POM121: variants seen among roughly 807,000 people sequenced by gnomAD.
POM121 encodes the protein POM121 transmembrane nucleoporin, also known as nuclear envelope pore membrane protein POM 121.
Under a neutral mutation model 81.3 loss-of-function variants are expected in POM121, and 32 were observed. That is an observed-to-expected ratio of 0.39 (90% CI 0.30 to 0.53). The LOEUF (loss-of-function observed/expected upper bound fraction) is 0.53, where lower values mean the gene tolerates loss of function less well. Ranked by LOEUF, POM121 falls within the 20% of genes least tolerant of loss-of-function variation. POM121 has a pLI of 0.66. For missense variants in POM121, 1,138 were observed against 1,614.6 expected, an observed-to-expected ratio of 0.70 and a Z score of 5.06; for synonymous variants, 514 against 694.2, an observed-to-expected ratio of 0.74 and a Z score of 4.08.
chr7:72,880,234 C>G (rs1229945719), intron 1 of POM121, among the ~76,000 whole-genome samples: 1 of 152,200 alleles, frequency 6.6e-6, no homozygotes, highest in Non-Finnish European at 1.5e-5. Context: ...CTGCTGATCA[C>G]CCCCTTATAT....
chr7:72,888,653 A>G (rs1257683147), intron 1 of POM121, among the ~76,000 whole-genome samples: 6 of 149,814 alleles, frequency 4.0e-5, no homozygotes, highest in African/African-American at 1.5e-4. Context: ...TGACTTTCGG[A>G]CCGAGAAGAC....
At position 72,946,657 on chromosome 7, in the gene POM121, C is replaced by T. The variant is rs236654; in HGVS notation, c.*423C>T. The T allele has an allele frequency of 2.3e-5, 23 of 990,902 alleles. No individual in the cohort carries two copies. Among genetic ancestry groups the T allele is most frequent in the Admixed American group, 1.8e-4 (3 of 16,826 alleles). 61.4% of individuals were successfully genotyped at this position (990,902 alleles called of 1,614,324 possible). On this transcript the variant is annotated 3_prime_UTR_variant, in exon 13 of 13. Coordinates refer to ENST00000434423, the MANE Select transcript of POM121 (RefSeq NM_001387691.1). ...CACCTGATGGGATTTGGGAAATGGG[C>T]TATCCGTAAAGCTTTATCTTGCTTG...
chr7:72,880,059 G>A (rs1789980315), intron 1 of POM121, among the ~76,000 whole-genome samples: 2 of 152,212 alleles, frequency 1.3e-5, no homozygotes, highest in South Asian at 2.1e-4. Context: ...GGGAAGATCT[G>A]GGAGGACAAG....
intron 4 of POM121, among the ~76,000 whole-genome samples, chr7:72,916,753 G>A (rs1477141574): frequency 6.6e-6 from 1 of 152,152 alleles, no homozygotes; most frequent in Non-Finnish European, 1.5e-5. Flanking sequence ...AATTATTTTG[G>A]GTAGTATAGC....
chr7:72,917,591 G>A (rs1372877664), intron 4 of POM121, among the ~76,000 whole-genome samples: 2 of 152,168 alleles, frequency 1.3e-5, no homozygotes, highest in East Asian at 3.8e-4. Flanking sequence ...CTACCATCAC[G>A]AAATGCCACA....
intron 4 of POM121, among the ~76,000 whole-genome samples, chr7:72,918,210 T>G (rs772481527): frequency 2.0e-4 from 30 of 152,118 alleles, no homozygotes; most frequent in Non-Finnish European, 4.0e-4. Context: ...CCACAAGAGG[T>G]GGAGGAGCAG....
At chr7:72,920,854 A>C (rs1428005724), upstream of POM121, among the ~76,000 whole-genome samples, 7 of 152,090 alleles carry the variant, frequency 4.6e-5, no homozygotes, top group African/African-American at 1.7e-4. Flanking sequence ...GAGTTTTTCC[A>C]GTCTGACTTG....
At chr7:72,921,115 C>T (rs1338204207), upstream of POM121, among the ~76,000 whole-genome samples, 1 of 152,050 alleles carries the variant, frequency 6.6e-6, no homozygotes, top group Non-Finnish European at 1.5e-5. Context: ...ACCTGGGAGG[C>T]GGAGGTTGCA....
In POM121 at chr7:72,891,111, GT is replaced by G; in HGVS notation, c.-216+2del. 1 of 1,068,178 alleles carries G rather than the reference GT, an allele frequency of 9.4e-7. No homozygotes were observed. The highest frequency in any genetic ancestry group is 1.4e-6 in the Non-Finnish European group (1 of 704,586). 66.2% of individuals were successfully genotyped at this position (1,068,178 alleles called of 1,614,324 possible). On this transcript the variant is annotated splice_donor_variant, in intron 3 of 15. Transcript: ENST00000395270. LOFTEE classifies it low-confidence loss of function (5UTR_SPLICE). ...GAATTTCCATGTCAACATAGTCCAG[GT>G]AAGTTAGTAGAGTATCAAATGTTAA...
intron 5 of POM121, among the ~76,000 whole-genome samples, chr7:72,937,696 T>C (rs1307160816): frequency 1.3e-5 from 2 of 152,116 alleles, no homozygotes; most frequent in Non-Finnish European, 2.9e-5. Flanking sequence ...GAGGTGACAG[T>C]TTAGTGGCTT....
chr7:72,948,870 G>A (rs782456388), downstream of POM121: 80 of 1,602,278 alleles, frequency 5.0e-5, no homozygotes, highest in Non-Finnish European at 6.2e-5. Context: ...CCCCCTCCAC[G>A]ACCCTGGCGC....
chr7:72,945,533 C>T (rs1554502934), intron 11 of POM121, 53 bp from the exon 12 acceptor site: 52 of 1,606,188 alleles, frequency 3.2e-5, no homozygotes, highest in Non-Finnish European at 4.2e-5. Context: ...CCCGGCTCCT[C>T]GCTTGCCTCT....
At chr7:72,938,797 A>C (rs1454001287) in intron 6 of POM121, 116 bp downstream of exon 6, 2 of 1,253,038 alleles carry the variant, frequency 1.6e-6, no homozygotes, top group Non-Finnish European at 2.3e-6. Context: ...AGAATCAAAG[A>C]AACTTAAGTC....
intron 12 of POM121, among the ~76,000 whole-genome samples, chr7:72,945,919 A>G (rs1190767839): frequency 6.6e-6 from 1 of 152,076 alleles, no homozygotes; most frequent in East Asian, 1.9e-4. Flanking sequence ...CTCCCATGGG[A>G]AGCCAGGTAA....
chr7:72,899,736 G>A lies in POM121; in HGVS notation c.-216+8626G>A, dbSNP rs564901699. Among the ~76,000 whole-genome samples the A allele has an allele frequency of 9.3e-3, 1,413 of 151,934 alleles. 17 individuals are homozygous for A. Among genetic ancestry groups the A allele is most frequent in the African/African-American group, 0.019 (787 of 41,462 alleles). On this transcript the variant is annotated intron_variant, in intron 3 of 15. Transcript: ENST00000395270. The stretch of plus-strand genomic sequence containing the variant: ...TGGGACTACAGGCATGTGCCACCAC[G>A]CCCGGCTAATTTTTTTCTATTTTTA...
intron 3 of POM121, among the ~76,000 whole-genome samples, chr7:72,907,962 AT>A (rs1169369230): frequency 1.3e-5 from 2 of 151,034 alleles, no homozygotes; most frequent in Non-Finnish European, 3.0e-5. Flanking sequence ...TTTCTATGTA[AT>A]TTTTTTTCTT....
intron 5 of POM121, 109 bp downstream of exon 5, chr7:72,930,220 C>G: frequency 7.2e-7 from 1 of 1,388,450 alleles, no homozygotes; most frequent in Non-Finnish European, 9.6e-7. Context: ...TTTGGAAGGC[C>G]AAAGCGGGAG....
chr7:72,945,459 G>C, intron 11 of POM121, 127 bp from the exon 12 acceptor site: 1 of 970,218 alleles, frequency 1.0e-6, no homozygotes, highest in Non-Finnish European at 1.5e-6. Context: ...ATGGAGGAGT[G>C]CCCCAGAAGC....
At chr7:72,919,205 C>CTT (rs782471353) in intron 4 of POM121, among the ~76,000 whole-genome samples, 40 of 111,330 alleles carry the variant, frequency 3.6e-4, no homozygotes, top group Admixed American at 5.7e-4. Flanking sequence ...CATGCCCAGC[C>CTT]TTTTTTTTTT....
Sources: allele counts gnomAD v4.1 joint callset (sites outside exome capture counted in the v4.1 genomes callset), GRCh38; gene constraint gnomAD v4.1.1; transcripts MANE v1.5; gene names NCBI Gene and HGNC (gene_info 2026-07-23, HGNC 2026-07-21).